The following ZNF385D variants were observed in gnomAD, a reference collection of about 807,000 sequenced individuals.
ZNF385D encodes the protein zinc finger protein 385D.
In ZNF385D, 15 loss-of-function variants were observed where a neutral mutation model predicts 35.8. That is an observed-to-expected ratio of 0.42 (90% CI 0.28 to 0.64). The LOEUF is 0.64. Ranked by LOEUF, ZNF385D falls within the 30% of genes least tolerant of loss-of-function variation. The probability of loss-of-function intolerance (pLI) is 0.23; values close to 1 mark genes in which losing one functional copy is unlikely to be tolerated. For missense variants in ZNF385D, 474 were observed against 494.6 expected (o/e 0.96, Z 0.39); for synonymous variants, 212 against 186.8 (o/e 1.13, Z -1.10).
chr3:22,254,108 T>A (rs1399101137), intron 2 of ZNF385D, among the ~76,000 whole-genome samples: 1 of 151,816 alleles, frequency 6.6e-6, no homozygotes, highest in African/African-American at 2.4e-5. Context: ...TACAAGGCAT[T>A]AATGACCTTA....
intron 3 of ZNF385D, among the ~76,000 whole-genome samples, chr3:21,949,281 T>A (rs935796355): frequency 6.6e-6 from 1 of 152,206 alleles, no homozygotes; most frequent in Non-Finnish European, 1.5e-5. Flanking sequence ...GGTGTCCTTT[T>A]AGATATTTGT....
At chr3:22,043,077 C>G (rs1698767075) in intron 3 of ZNF385D, among the ~76,000 whole-genome samples, 1 of 149,664 alleles carries the variant, frequency 6.7e-6, no homozygotes, top group Non-Finnish European at 1.5e-5. Context: ...ACGATCATTC[C>G]TTGACATTTT....
chr3:21,958,559 A>G (rs923403042), intron 3 of ZNF385D, among the ~76,000 whole-genome samples: 2 of 152,136 alleles, frequency 1.3e-5, no homozygotes, highest in African/African-American at 4.8e-5. Flanking sequence ...ACAAGAAGCT[A>G]TATATCTAAT....
At chr3:21,479,300 AT>A (rs1001878490) in intron 4 of ZNF385D, among the ~76,000 whole-genome samples, 115 of 151,926 alleles carry the variant, frequency 7.6e-4, no homozygotes, top group African/African-American at 2.7e-3. Flanking sequence ...TTTTGTGGAA[AT>A]TTTTCTTCTC....
intron 3 of ZNF385D, among the ~76,000 whole-genome samples, chr3:21,940,255 A>G (rs987627512): frequency 6.6e-6 from 1 of 152,116 alleles, no homozygotes; most frequent in African/African-American, 2.4e-5. Flanking sequence ...TGATGTAGCA[A>G]AAAAAGTGTT....
intron 2 of ZNF385D, among the ~76,000 whole-genome samples, chr3:21,598,140 G>C (rs1197407077): frequency 6.6e-6 from 1 of 152,110 alleles, no homozygotes; most frequent in African/African-American, 2.4e-5. Flanking sequence ...TAGAGTCTTA[G>C]AGAAACGCAT....
chr3:21,421,440 A>G lies in ZNF385D; in HGVS notation c.962T>C (p.Leu321Ser). 6.2e-7 allele frequency: 1 copy of G among 1,609,920 alleles called. No homozygotes were observed. The highest frequency in any genetic ancestry group is 8.5e-7 in the Non-Finnish European group (1 of 1,176,870). ...CTTTGAAGGTTCTTTTGAAAATACT[A>G]ATTTTACCTGCAAGGGAGAAAAAAT... ...QKTAHPLGVK[L>S]VFSKEPSKPL... The change falls in exon 8 of 8, where the codon TTA (leucine) becomes TCA (serine). Residue 321 changes from leucine to serine, a missense_variant. Leu to Ser is a moderately radical substitution (Grantham distance 145). Coordinates refer to ENST00000281523, the MANE Select transcript of ZNF385D (RefSeq NM_024697.3).
At chr3:22,182,996 T>C (rs1009690710) in intron 2 of ZNF385D, among the ~76,000 whole-genome samples, 1 of 152,048 alleles carries the variant, frequency 6.6e-6, no homozygotes, top group Non-Finnish European at 1.5e-5. Context: ...AGATTAAGTA[T>C]TAAAATTAAA....
At chr3:22,361,803 T>C (rs1256390083) in intron 2 of ZNF385D, among the ~76,000 whole-genome samples, 1 of 151,996 alleles carries the variant, frequency 6.6e-6, no homozygotes, top group East Asian at 1.9e-4. Flanking sequence ...CACTTGACCT[T>C]TCTTAGTTTT....
At chr3:21,868,944 T>C (rs1559707362) in intron 3 of ZNF385D, among the ~76,000 whole-genome samples, 2 of 152,050 alleles carry the variant, frequency 1.3e-5, no homozygotes, top group Non-Finnish European at 2.9e-5. Flanking sequence ...TGCTCTCTCA[T>C]ATTCTACAGA....
chr3:21,680,988 T>C (rs957251203), intron 1 of ZNF385D, among the ~76,000 whole-genome samples: 2 of 152,210 alleles, frequency 1.3e-5, no homozygotes, highest in Non-Finnish European at 2.9e-5. Flanking sequence ...GGGAGATGCT[T>C]TGGATTTTAT....
intron 2 of ZNF385D, among the ~76,000 whole-genome samples, chr3:22,292,680 A>G (rs1375609854): frequency 6.6e-6 from 1 of 152,152 alleles, no homozygotes; most frequent in East Asian, 1.9e-4. Flanking sequence ...TGATAGTGGC[A>G]TGGAGTTTTA....
chr3:22,288,945 A>C (rs558917236), intron 2 of ZNF385D, among the ~76,000 whole-genome samples: 1 of 152,188 alleles, frequency 6.6e-6, no homozygotes, highest in East Asian at 1.9e-4. Flanking sequence ...CTCTGTTTTT[A>C]GCGGCCATCT....
At chr3:22,199,781 A>G (rs1158708314) in intron 2 of ZNF385D, among the ~76,000 whole-genome samples, 1 of 152,134 alleles carries the variant, frequency 6.6e-6, no homozygotes, top group Non-Finnish European at 1.5e-5. Context: ...ACTGAAGAGA[A>G]TTAATACCCA....
Position 21,564,583 on chromosome 3 carries a change from A to G in ZNF385D, c.267T>C (p.Phe89=). 1 of 1,542,620 alleles carries G rather than the reference A, an allele frequency of 6.5e-7. No homozygotes were observed. Among genetic ancestry groups the G allele is most frequent in the Non-Finnish European group, 8.7e-7 (1 of 1,143,506 alleles). Residue 89 remains phenylalanine, a synonymous_variant, in exon 3 of 8, where the codon TTT becomes TTC. Transcript: ENST00000281523. ...TAAATGATAAACTTACATCAGAATT[A>G]AATCTCAACTGGCAAATGTTGCATG... is the stretch of plus-strand genomic sequence containing the variant. ...IISCNICQLR[F]NSDSQAAAHY...
chr3:22,059,259 G>C (rs560283285), intron 3 of ZNF385D, among the ~76,000 whole-genome samples: 1 of 152,152 alleles, frequency 6.6e-6, no homozygotes. Flanking sequence ...AGGAAAGAGA[G>C]AAAGGGAAAA....
intron 2 of ZNF385D, among the ~76,000 whole-genome samples, chr3:22,310,767 A>C (rs1211668945): frequency 6.6e-6 from 1 of 151,822 alleles, no homozygotes; most frequent in African/African-American, 2.4e-5. Context: ...AACTTTTATG[A>C]TTGATAAGCT....
chr3:21,801,498 T>A (rs1033426801), intron 3 of ZNF385D, among the ~76,000 whole-genome samples: 4 of 152,176 alleles, frequency 2.6e-5, no homozygotes, highest in Admixed American at 6.5e-5. Context: ...AATCTCTTTA[T>A]CTTTTTATCT....
At chr3:22,113,180 G>C (rs1216309103) in intron 3 of ZNF385D, among the ~76,000 whole-genome samples, 2 of 151,908 alleles carry the variant, frequency 1.3e-5, no homozygotes, top group African/African-American at 4.8e-5. Context: ...AATGGGGGTG[G>C]GCTATGGGCC....
Sources: gnomAD v4.1 joint callset for allele counts (sites outside exome capture counted in the v4.1 genomes callset) on GRCh38, gnomAD v4.1.1 for gene constraint, MANE v1.5 for transcripts, NCBI Gene and HGNC (gene_info 2026-07-23, HGNC 2026-07-21) for gene names.